Variants in B3GALT1 observed in about 807,000 individuals in gnomAD.
The protein encoded by B3GALT1 is UDP-Gal:betaGlcNAc beta 1,3-galactosyltransferase, polypeptide 1.
Under a neutral mutation model 23.2 loss-of-function variants are expected in B3GALT1, and 10 were observed. The observed-to-expected ratio is 0.43, with a 90% CI of 0.27 to 0.73. The LOEUF (loss-of-function observed/expected upper bound fraction) is 0.73, where lower values mean the gene tolerates loss of function less well. Ranked by LOEUF, B3GALT1 falls within the 30% of genes least tolerant of loss-of-function variation. The pLI is 0.21. For missense variants in B3GALT1, 299 were observed against 405.4 expected (o/e 0.74, Z 2.25); for synonymous variants, 156 against 141.5 (o/e 1.10, Z -0.73).
intron 1 of B3GALT1, among the ~76,000 whole-genome samples, chr2:167,322,240 A>G (rs1696825537): frequency 6.6e-6 from 1 of 151,958 alleles, no homozygotes; most frequent in South Asian, 2.1e-4. Flanking sequence ...ATTCTGATAA[A>G]ATTGTCCCAT....
At chr2:167,542,520 CA>C (rs914043609) in intron 2 of B3GALT1, among the ~76,000 whole-genome samples, 4 of 152,098 alleles carry the variant, frequency 2.6e-5, no homozygotes, top group African/African-American at 9.6e-5. Context: ...TATTATGATT[CA>C]GGGGCTTTTG....
intron 2 of B3GALT1, among the ~76,000 whole-genome samples, chr2:167,561,127 A>G (rs141309726): frequency 7.9e-5 from 12 of 152,324 alleles, no homozygotes; most frequent in African/African-American, 2.6e-4. Context: ...GTGCTATCAA[A>G]CTAGAGCTCA....
At chr2:167,763,857 T>C (rs1687934095) in intron 3 of B3GALT1, among the ~76,000 whole-genome samples, 1 of 152,090 alleles carries the variant, frequency 6.6e-6, no homozygotes, top group Non-Finnish European at 1.5e-5. Context: ...AAACATGGCC[T>C]ACAAGCATCT....
rs140329172 is a variant in B3GALT1 at position 167,517,270 on chromosome 2, C to G, written c.-410+26993C>G. ...AAGAAATCTAATACTCAGAACCTGC[C>G]TTTCTCTTTAGGGCTAAAAGATTAG... On this transcript the variant is annotated intron_variant, in intron 2 of 4. Coordinates refer to ENST00000392690, the MANE Select transcript of B3GALT1 (RefSeq NM_020981.4). Among the ~76,000 whole-genome samples the G allele has an allele frequency of 5.7e-4, 87 of 151,764 alleles. 1 individual carries two copies. The highest frequency in any genetic ancestry group is 1.8e-3 in the African/African-American group (76 of 41,434).
chr2:167,836,520 G>A, intron 4 of B3GALT1, among the ~76,000 whole-genome samples: 1 of 152,288 alleles, frequency 6.6e-6, no homozygotes, highest in African/African-American at 2.4e-5. Flanking sequence ...AGAAATATGG[G>A]ACTATGTGAA....
intron 3 of B3GALT1, among the ~76,000 whole-genome samples, chr2:167,669,725 C>G (rs1341185163): frequency 6.6e-6 from 1 of 151,870 alleles, no homozygotes; most frequent in African/African-American, 2.4e-5. Flanking sequence ...AGAAGATAAC[C>G]AATTTTTTTC....
chr2:167,478,003 C>A (rs1699510022), intron 1 of B3GALT1, among the ~76,000 whole-genome samples: 1 of 151,942 alleles, frequency 6.6e-6, no homozygotes, highest in Non-Finnish European at 1.5e-5. Flanking sequence ...CAAGTTGGCA[C>A]AAAACATTAA....
intron 2 of B3GALT1, among the ~76,000 whole-genome samples, chr2:167,597,125 T>G (rs866507208): frequency 0.016 from 2,370 of 150,568 alleles, 76 homozygotes; most frequent in African/African-American, 0.055. Flanking sequence ...TTGTTTTTTT[T>G]TTTTTTTTTA....
chr2:167,544,321 G>A (rs1239437427), intron 2 of B3GALT1, among the ~76,000 whole-genome samples: 1 of 152,142 alleles, frequency 6.6e-6, no homozygotes, highest in Non-Finnish European at 1.5e-5. Context: ...TTGGGACAGA[G>A]TCTCAATCTG....
intron 1 of B3GALT1, among the ~76,000 whole-genome samples, chr2:167,443,782 T>C (rs1698935360): frequency 6.6e-6 from 1 of 152,052 alleles, no homozygotes; most frequent in Admixed American, 6.6e-5. Context: ...GACGATGGGG[T>C]TTTCTAAATA....
intron 2 of B3GALT1, among the ~76,000 whole-genome samples, chr2:167,639,799 A>G (rs1685620702): frequency 6.6e-6 from 1 of 152,222 alleles, no homozygotes; most frequent in South Asian, 2.1e-4. Flanking sequence ...ATCAAAAGAA[A>G]TAATTAAGTT....
rs116992351 is a variant in B3GALT1, at chr2:167,380,051, G to A, written c.-511+86717G>A. On this transcript the variant is annotated intron_variant, in intron 1 of 4. Transcript: ENST00000392690. ...GATCTGCCTGGGGGTAAAGTAAAGC[G>A]GGTCACACTGCAGCATGATCTATGT... 1.2e-3 allele frequency among the ~76,000 whole-genome samples: 179 copies of A among 152,266 alleles called. 1 individual carries two copies. The East Asian group carries it at 0.018, about 15-fold the overall frequency.
At chr2:167,683,448 G>T (rs1373031438) in intron 3 of B3GALT1, among the ~76,000 whole-genome samples, 1 of 152,160 alleles carries the variant, frequency 6.6e-6, no homozygotes, top group Non-Finnish European at 1.5e-5. Context: ...CATCCAAGGG[G>T]CCAGGCACAG....
intron 2 of B3GALT1, among the ~76,000 whole-genome samples, chr2:167,617,253 A>G (rs538899410): frequency 6.6e-6 from 1 of 152,204 alleles, no homozygotes; most frequent in South Asian, 2.1e-4. Flanking sequence ...AGTTGAGGAG[A>G]AATGCTTTCT....
At chr2:167,828,386 C>T (rs1029552177) in intron 4 of B3GALT1, among the ~76,000 whole-genome samples, 2 of 152,142 alleles carry the variant, frequency 1.3e-5, no homozygotes, top group South Asian at 4.1e-4. Context: ...TAATAAACAC[C>T]ACTTCATGGA....
chr2:167,340,617 A>G (rs1177010464), intron 1 of B3GALT1, among the ~76,000 whole-genome samples: 1 of 152,330 alleles, frequency 6.6e-6, no homozygotes, highest in Non-Finnish European at 1.5e-5. Flanking sequence ...TCTTCCAAAA[A>G]TGGTCATGTC....
chr2:167,840,720 T>C (rs1427445601), intron 4 of B3GALT1, among the ~76,000 whole-genome samples: 2 of 151,600 alleles, frequency 1.3e-5, no homozygotes, highest in Admixed American at 6.6e-5. Flanking sequence ...TAAAGACACA[T>C]GCACATGTAT....
intron 2 of B3GALT1, among the ~76,000 whole-genome samples, chr2:167,608,416 C>G (rs2105429685): frequency 6.6e-6 from 1 of 152,170 alleles, no homozygotes; most frequent in East Asian, 1.9e-4. Context: ...TTATAAGATG[C>G]CTATCTTTGA....
At chr2:167,812,357 T>G (rs1688906753) in intron 3 of B3GALT1, among the ~76,000 whole-genome samples, 1 of 152,234 alleles carries the variant, frequency 6.6e-6, no homozygotes, top group Non-Finnish European at 1.5e-5. Flanking sequence ...TCTTCCATTT[T>G]TAAAGGCAGA....
Sources: gnomAD v4.1 joint callset for allele counts (sites outside exome capture counted in the v4.1 genomes callset) on GRCh38, gnomAD v4.1.1 for gene constraint, MANE v1.5 for transcripts, NCBI Gene and HGNC (gene_info 2026-07-23, HGNC 2026-07-21) for gene names.